Variants in KANSL3 observed in about 807,000 individuals in gnomAD.
The protein encoded by KANSL3 is KAT8 regulatory NSL complex subunit 3.
Under a neutral mutation model 89.2 loss-of-function variants are expected in KANSL3, and 16 were observed. The observed-to-expected ratio is 0.18, with a 90% CI of 0.12 to 0.27. KANSL3 has a LOEUF of 0.27. Among genes scored for constraint, KANSL3 ranks in the 10% least tolerant of loss-of-function variants. KANSL3 has a pLI of 1.00. For synonymous variants in KANSL3, 385 were observed against 419.7 expected, an observed-to-expected ratio of 0.92 and a Z score of 1.01; for missense variants, 879 against 1,110.6, an observed-to-expected ratio of 0.79 and a Z score of 2.96.
chr2:96,605,510 A>G lies in KANSL3; in HGVS notation c.1743T>C (p.Val581=), dbSNP rs370917444. The G allele has an allele frequency of 5.6e-6, 9 of 1,612,370 alleles. No individual in the cohort carries two copies. Among genetic ancestry groups the G allele is most frequent in the Non-Finnish European group, 7.6e-6 (9 of 1,178,796 alleles). Residue 581 remains valine (V), a splice_region_variant and synonymous_variant, in exon 15 of 21, where the codon GTT becomes GTC. Transcript: ENST00000431828. ...EAVLTHKQAQ[V]PISSEPPEEG... ...CCTCTGGTGGTTCTGATGAAATGGG[A>G]ACTAAGACATGGAGCTGAGTTGAGA...
chr2:96,625,016 C>T (rs1005822404), intron 3 of KANSL3, among the ~76,000 whole-genome samples: 2 of 151,934 alleles, frequency 1.3e-5, no homozygotes, highest in East Asian at 1.9e-4. Context: ...TCAAGACCAG[C>T]GTGGCTAACA....
At chr2:96,628,805 C>T (rs1452001867) in intron 3 of KANSL3, among the ~76,000 whole-genome samples, 1 of 151,424 alleles carries the variant, frequency 6.6e-6, no homozygotes, top group Non-Finnish European at 1.5e-5. Flanking sequence ...CTCCTATGTA[C>T]TTTCTGAAAT....
At chr2:96,615,017 T>C (rs971084911) in intron 5 of KANSL3, 3 of 151,520 alleles carry the variant, frequency 2.0e-5, no homozygotes, top group South Asian at 2.1e-4. Flanking sequence ...AATAGAATCA[T>C]ATTTTAAAGA....
At chr2:96,627,781 G>T (rs2072635771) in intron 3 of KANSL3, 2 of 511,532 alleles carry the variant, frequency 3.9e-6, no homozygotes, top group East Asian at 7.0e-5. Flanking sequence ...GCAACACGAT[G>T]ATTATAATCA....
intron 5 of KANSL3, among the ~76,000 whole-genome samples, chr2:96,617,207 TC>T (rs1404882710): frequency 2.0e-5 from 3 of 152,264 alleles, no homozygotes; most frequent in South Asian, 2.1e-4. Context: ...AGTCTGGGAC[TC>T]CCTTTTCATT....
intron 20 of KANSL3, among the ~76,000 whole-genome samples, chr2:96,598,853 T>G: frequency 7.8e-6 from 1 of 129,012 alleles, no homozygotes; most frequent in Non-Finnish European, 1.5e-5. Flanking sequence ...GAGGTTGCAG[T>G]GAGCTGAGAT....
intron 14 of KANSL3, among the ~76,000 whole-genome samples, 188 bp downstream of exon 14, chr2:96,608,310 TCACAAAGCCC>T (rs2068318639): frequency 6.6e-6 from 1 of 152,292 alleles, no homozygotes; most frequent in African/African-American, 2.4e-5. Context: ...TAACTAGTGA[TCACAAAGCCC>T]CACTAACTCA....
At chr2:96,606,833 AAAAGAATAC>A (rs2068054679) in intron 14 of KANSL3, 1 of 398,304 alleles carries the variant, frequency 2.5e-6, no homozygotes, top group African/African-American at 2.1e-5. Context: ...TCAGCAAAAC[AAAAGAATAC>A]AAAGAAAGAG....
At chr2:96,636,665 A>G (rs188900186) in intron 2 of KANSL3, 2 of 399,986 alleles carry the variant, frequency 5.0e-6, no homozygotes, top group Non-Finnish European at 8.9e-6. Flanking sequence ...TCCCCTTTCC[A>G]CACGTCCTAC....
intron 5 of KANSL3, among the ~76,000 whole-genome samples, chr2:96,618,427 C>T (rs550878837): frequency 7.2e-5 from 11 of 152,136 alleles, no homozygotes; most frequent in Non-Finnish European, 1.5e-4. Context: ...TGAGCTAAAG[C>T]GATCCTCCTG....
At chr2:96,619,040 C>T (rs1412211085) in intron 5 of KANSL3, among the ~76,000 whole-genome samples, 4 of 152,230 alleles carry the variant, frequency 2.6e-5, no homozygotes, top group African/African-American at 9.6e-5. Flanking sequence ...ACAAACTCTT[C>T]CCTGGTAAAC....
rs1040192870 is a variant in KANSL3, at chr2:96,627,627, T to G, written c.386+3685A>C. Among the ~76,000 whole-genome samples the G allele has an allele frequency of 4.6e-5, 7 of 152,288 alleles. 1 individual carries two copies. In the East Asian group the frequency reaches 1.4e-3, roughly 29 times the overall value. ...GCCTCCACAGACAAAGAGCAATCAG[T>G]AAACTCTCCGGGAAAGAACTCCAGA... On this transcript the variant is annotated intron_variant, in intron 3 of 20. Coordinates refer to ENST00000431828, the MANE Select transcript of KANSL3 (RefSeq NM_001115016.3).
intron 3 of KANSL3, among the ~76,000 whole-genome samples, chr2:96,623,495 T>C (rs978315086): frequency 3.3e-5 from 5 of 152,250 alleles, no homozygotes; most frequent in Non-Finnish European, 5.9e-5. Context: ...AATTACCCTT[T>C]GTTATTCACT....
chr2:96,608,432 C>A, intron 14 of KANSL3, 76 bp downstream of exon 14: 1 of 1,474,912 alleles, frequency 6.8e-7, no homozygotes, highest in South Asian at 1.2e-5. Flanking sequence ...CCATAGATAT[C>A]AATACTGTGC....
intron 20 of KANSL3, chr2:96,600,948 C>T (rs2067091074): frequency 1.1e-6 from 1 of 925,206 alleles, no homozygotes; most frequent in African/African-American, 1.8e-5. Flanking sequence ...AGTTCAAGGC[C>T]AGCTTGGGCA....
At chr2:96,592,863 C>T (rs888278813), downstream of KANSL3, among the ~76,000 whole-genome samples, 4 of 151,970 alleles carry the variant, frequency 2.6e-5, no homozygotes, top group Non-Finnish European at 4.4e-5. Context: ...ATTAGCTGGG[C>T]GTGGTGTCGG....
intron 16 of KANSL3, among the ~76,000 whole-genome samples, 184 bp downstream of exon 16, chr2:96,604,595 G>C (rs1337606092): frequency 6.6e-6 from 1 of 152,158 alleles, no homozygotes; most frequent in African/African-American, 2.4e-5. Context: ...GGACGATTTG[G>C]AGTCTTAAGT....
chr2:96,603,003 G>C (rs1366035835), intron 17 of KANSL3, 141 bp from the exon 18 acceptor site: 6 of 694,818 alleles, frequency 8.6e-6, no homozygotes, highest in Non-Finnish European at 1.5e-5. Flanking sequence ...GAGAAGGCAG[G>C]AAGCTCTCCC....
intron 9 of KANSL3, among the ~76,000 whole-genome samples, chr2:96,611,900 C>CGT (rs1558703636): frequency 1.3e-5 from 1 of 79,570 alleles, no homozygotes; most frequent in South Asian, 3.0e-4. Flanking sequence ...GATATATACC[C>CGT]ATATGTGTGT....
Sources: allele counts gnomAD v4.1 joint callset (sites outside exome capture counted in the v4.1 genomes callset), GRCh38; gene constraint gnomAD v4.1.1; transcripts MANE v1.5; gene names NCBI Gene and HGNC (gene_info 2026-07-23, HGNC 2026-07-21).